The following ELOVL6 variants were observed in gnomAD, a reference collection of about 807,000 sequenced individuals.
ELOVL6 encodes the protein very long chain fatty acid elongase 6.
In ELOVL6, 8 loss-of-function variants were observed where a neutral mutation model predicts 31.7. The ratio of observed to expected loss-of-function variants is 0.25; its 90% CI spans 0.15 to 0.45. The LOEUF (loss-of-function observed/expected upper bound fraction) is 0.45. Ranked by LOEUF, ELOVL6 falls within the 20% of genes least tolerant of loss-of-function variation. The pLI is 1.00. For synonymous variants in ELOVL6, 101 were observed against 117.7 expected (o/e 0.86, Z 0.92); for missense variants, 126 against 326.4 (o/e 0.39, Z 4.73).
chr4:110,059,411 T>A (rs1755079238), intron 3 of ELOVL6, among the ~76,000 whole-genome samples, 192 bp downstream of exon 3: 1 of 152,180 alleles, frequency 6.6e-6, no homozygotes, highest in South Asian at 2.1e-4. Context: ...ATATGCACAA[T>A]GTAAAATTAT....
At chr4:110,122,054 C>G (rs2170553) in intron 1 of ELOVL6, among the ~76,000 whole-genome samples, 1 of 151,968 alleles carries the variant, frequency 6.6e-6, no homozygotes, top group Non-Finnish European at 1.5e-5. Context: ...CATACTACAC[C>G]GTTGTTTTGT....
intron 1 of ELOVL6, among the ~76,000 whole-genome samples, chr4:110,166,459 A>G (rs1207330370): frequency 1.3e-5 from 2 of 152,050 alleles, no homozygotes; most frequent in Non-Finnish European, 2.9e-5. Flanking sequence ...TAAAAATATA[A>G]AAATTACCTG....
chr4:110,186,434 T>A (rs1759442685), intron 1 of ELOVL6, among the ~76,000 whole-genome samples: 1 of 152,096 alleles, frequency 6.6e-6, no homozygotes, highest in African/African-American at 2.4e-5. Context: ...TCTTTTGTCC[T>A]CTTCTGATCA....
At chr4:110,082,824 T>C (rs1224696013) in intron 2 of ELOVL6, among the ~76,000 whole-genome samples, 1 of 152,220 alleles carries the variant, frequency 6.6e-6, no homozygotes, top group African/African-American at 2.4e-5. Flanking sequence ...AAGGGACGCA[T>C]GACTGTGTAT....
intron 1 of ELOVL6, among the ~76,000 whole-genome samples, chr4:110,111,058 G>A (rs1757020712): frequency 6.6e-6 from 1 of 152,146 alleles, no homozygotes; most frequent in African/African-American, 2.4e-5. Flanking sequence ...GCAAAGTAGA[G>A]TTACATTTAG....
intron 1 of ELOVL6, among the ~76,000 whole-genome samples, chr4:110,172,017 C>T (rs1394783033): frequency 6.6e-6 from 1 of 152,060 alleles, no homozygotes; most frequent in East Asian, 1.9e-4. Context: ...TAAACTAATA[C>T]ATGTGTTTCC....
chr4:110,096,320 G>A (rs1247066053), intron 2 of ELOVL6, among the ~76,000 whole-genome samples: 1 of 152,182 alleles, frequency 6.6e-6, no homozygotes, highest in African/African-American at 2.4e-5. Flanking sequence ...TTAAAAGATA[G>A]AAAGTTGTCA....
At chr4:110,178,461 G>C (rs1759177578) in intron 1 of ELOVL6, among the ~76,000 whole-genome samples, 1 of 151,974 alleles carries the variant, frequency 6.6e-6, no homozygotes, top group African/African-American at 2.4e-5. Context: ...AGAATCGCTT[G>C]AACTGGGGAG....
Position 110,051,266 on chromosome 4 carries a change from C to G in ELOVL6, c.*72G>C. 1 of 1,485,780 alleles carries G rather than the reference C, an allele frequency of 6.7e-7. No individual in the cohort carries two copies. 92.0% of individuals were successfully genotyped at this position (1,485,780 alleles called of 1,614,324 possible). A position where few individuals can be genotyped will look rare whatever the true frequency, so the allele number is the denominator to read the frequency against. ...GTTTTAGCTGCACCACGTGTGATTC[C>G]TTGTGCCATTTTCTTTTGTCTATTA... On this transcript the variant is annotated 3_prime_UTR_variant, in exon 4 of 4. Coordinates refer to ENST00000302274, the MANE Select transcript of ELOVL6 (RefSeq NM_024090.3). This position sits in a 1 kb window ranked among gnomAD's most constrained non-coding sequence, Gnocchi z 4.8.
At chr4:110,175,058 A>G (rs1759060096) in intron 1 of ELOVL6, among the ~76,000 whole-genome samples, 1 of 151,950 alleles carries the variant, frequency 6.6e-6, no homozygotes, top group Admixed American at 6.6e-5. Context: ...AAAAAAAAAA[A>G]TCAAATCACT....
chr4:110,113,351 G>A (rs190667165), intron 1 of ELOVL6, among the ~76,000 whole-genome samples: 9 of 152,214 alleles, frequency 5.9e-5, no homozygotes, highest in African/African-American at 1.7e-4. Context: ...AGGGCAAGGC[G>A]GGAATATTAC....
intron 2 of ELOVL6, among the ~76,000 whole-genome samples, chr4:110,077,018 G>A (rs1234759138): frequency 6.6e-6 from 1 of 152,202 alleles, no homozygotes; most frequent in Non-Finnish European, 1.5e-5. Flanking sequence ...CAAACTGCAA[G>A]GCCGCAGCGA....
chr4:110,077,312 C>T (rs185153410), intron 2 of ELOVL6, among the ~76,000 whole-genome samples: 2,621 of 152,298 alleles, frequency 0.017, 37 homozygotes, highest in South Asian at 0.028. Flanking sequence ...CCCTGACCCC[C>T]GAGTAGCCTA....
At chr4:110,131,678 T>A (rs1189209619) in intron 1 of ELOVL6, among the ~76,000 whole-genome samples, 4 of 151,128 alleles carry the variant, frequency 2.6e-5, no homozygotes, top group African/African-American at 9.7e-5. Context: ...CCTGTGGGGG[T>A]GAGGAGGGCC....
At chr4:110,087,879 G>C (rs1208175791) in intron 2 of ELOVL6, among the ~76,000 whole-genome samples, 1 of 151,298 alleles carries the variant, frequency 6.6e-6, no homozygotes, top group Non-Finnish European at 1.5e-5. Context: ...ATTTCTGGTA[G>C]CTTTGTCTAG....
At position 110,084,105 on chromosome 4, in the gene ELOVL6, A is replaced by G. The variant is rs867198593; in HGVS notation, c.221+21392T>C. Among the ~76,000 whole-genome samples the G allele has an allele frequency of 3.9e-4, 44 of 113,476 alleles. 3 individuals are homozygous for G. The highest frequency in any genetic ancestry group is 0.012 in the Middle Eastern group (1 of 82). The allele number at this position is 113,476 out of a possible 152,430, so 74.4% of individuals were successfully genotyped here. ...ATATGATATATAACATATATATGAT[A>G]TATATGATATATATAACATATATGT... On this transcript the variant is annotated intron_variant, in intron 2 of 3. Transcript: ENST00000302274.
Position 110,132,196 on chromosome 4 carries a change from G to A in ELOVL6, c.90-26568C>T, listed in dbSNP as rs185860803. ...GGGTTTTAAGTAAGGGAGGAGGAGC[G>A]TGCTGAGATTAAATTTGTAGAAAGC... On this transcript the variant is annotated intron_variant, in intron 1 of 3. Coordinates refer to ENST00000302274, the MANE Select transcript of ELOVL6 (RefSeq NM_024090.3). Among the ~76,000 whole-genome samples, 97 of 152,206 alleles carry A rather than the reference G, an allele frequency of 6.4e-4. 1 individual carries two copies. The highest frequency in any genetic ancestry group is 8.2e-4 in the Non-Finnish European group (56 of 68,012).
intron 1 of ELOVL6, among the ~76,000 whole-genome samples, chr4:110,112,361 G>A (rs1475786107): frequency 6.6e-6 from 1 of 152,148 alleles, no homozygotes; most frequent in African/African-American, 2.4e-5. Context: ...ATAGCAAACC[G>A]CTAGGCTAAT....
intron 1 of ELOVL6, among the ~76,000 whole-genome samples, chr4:110,158,653 A>ATTTTTTTTTT (rs1239958584): frequency 1.2e-5 from 1 of 85,254 alleles, no homozygotes. Flanking sequence ...ATATATATAT[A>ATTTTTTTTTT]TATATTTTTT....
Sources: allele counts gnomAD v4.1 joint callset (sites outside exome capture counted in the v4.1 genomes callset), GRCh38; gene constraint gnomAD v4.1.1; non-coding constraint Gnocchi (gnomAD v3.1); transcripts MANE v1.5; gene names NCBI Gene and HGNC (gene_info 2026-07-23, HGNC 2026-07-21).